Variants in NCOA4 observed in about 807,000 individuals in gnomAD.
The protein encoded by NCOA4 is nuclear receptor coactivator 4, also known as 70 kDa AR-activator.
NCOA4 carries 31 observed loss-of-function variants against 69.5 expected under a neutral mutation model. The observed-to-expected ratio is 0.45, with a 90% confidence interval of 0.34 to 0.60. The LOEUF is 0.60. NCOA4 is among the 20% of genes least tolerant of loss of function. The pLI, the probability that NCOA4 is intolerant of heterozygous loss-of-function variation, is 0.02. For missense variants in NCOA4, 600 were observed against 719.2 expected (o/e 0.83, Z 1.90); for synonymous variants, 228 against 252.4 (o/e 0.90, Z 0.92).
intron 1 of NCOA4, among the ~76,000 whole-genome samples, chr10:46,020,086 A>C (rs55722537): frequency 6.6e-6 from 1 of 152,214 alleles, no homozygotes; most frequent in Non-Finnish European, 1.5e-5. Flanking sequence ...ACCATGGGTG[A>C]ATTCAAATCA....
rs1839448217 is a variant in NCOA4, at chr10:46,014,912, G to A, written c.313C>T (p.Gln105Ter). 1.2e-6 allele frequency: 2 copies of A among 1,613,938 alleles called. No homozygotes were observed. The highest frequency in any genetic ancestry group is 1.7e-6 in the Non-Finnish European group (2 of 1,179,966). Residue 105 changes from glutamine to a stop codon, truncating the protein, a stop_gained, in exon 4 of 10, where the codon CAA (glutamine) becomes TAA (stop). Transcript: ENST00000581486. LOFTEE classifies it high-confidence loss of function. ...LLGQFNCLTH[Q>*]LECTQNKDLA... The stretch of plus-strand genomic sequence containing the variant: ...TCTTTGTTTTGGGTACACTCCAGTT[G>A]ATGAGTAAGACAATTGAACTGGCCC...
chr10:46,023,202 C>T, intron 1 of NCOA4: 1 of 905,020 alleles, frequency 1.1e-6, no homozygotes, highest in Non-Finnish European at 1.3e-6. Flanking sequence ...CCCTTGCCCT[C>T]GCCCCGGTCG....
At chr10:46,012,837 A>T in intron 7 of NCOA4, 46 bp downstream of exon 7, 3 of 1,602,666 alleles carry the variant, frequency 1.9e-6, no homozygotes, top group South Asian at 2.2e-5. Context: ...AACTAACTCC[A>T]CCTACTGCTG....
intron 1 of NCOA4, among the ~76,000 whole-genome samples, chr10:46,026,641 T>G (rs1192633783): frequency 6.6e-6 from 1 of 152,148 alleles, no homozygotes; most frequent in Non-Finnish European, 1.5e-5. Flanking sequence ...ATATTTTCCC[T>G]CCTTTAAAGC....
intron 1 of NCOA4, chr10:46,022,669 G>C (rs1554924717): frequency 3.2e-6 from 1 of 311,728 alleles, no homozygotes; most frequent in African/African-American, 2.2e-5. Flanking sequence ...GTTTCACCGT[G>C]TTAGCCAGGA....
intron 1 of NCOA4, among the ~76,000 whole-genome samples, chr10:46,024,206 A>T: frequency 6.6e-6 from 1 of 152,164 alleles, no homozygotes; most frequent in East Asian, 1.9e-4. Flanking sequence ...TGGATAATAC[A>T]TTTCGTAAAG....
chr10:46,014,136 C>T (rs1448744710), intron 5 of NCOA4, among the ~76,000 whole-genome samples: 2 of 152,102 alleles, frequency 1.3e-5, no homozygotes, highest in Non-Finnish European at 2.9e-5. Context: ...AAGCGATCCT[C>T]CTGCCTCAGC....
intron 2 of NCOA4, among the ~76,000 whole-genome samples, chr10:46,016,332 AG>A (rs782126277): frequency 2.0e-5 from 3 of 152,332 alleles, no homozygotes; most frequent in Admixed American, 6.5e-5. Context: ...AGAATGGCAC[AG>A]GGTTTTCCAG....
chr10:46,028,189 A>T (rs1364553332), intron 1 of NCOA4, among the ~76,000 whole-genome samples: 1 of 152,086 alleles, frequency 6.6e-6, no homozygotes, highest in East Asian at 1.9e-4. Flanking sequence ...GTCTGCTCAG[A>T]GGTCATCTTC....
In NCOA4 at chr10:46,011,277, T is replaced by C. The variant is rs1839187764; in HGVS notation, c.715-71A>G. The C allele has an allele frequency of 2.0e-6, 3 of 1,472,314 alleles. No homozygotes were observed. In the Admixed American group the frequency reaches 6.8e-5, roughly 33 times the overall value. 91.2% of individuals were successfully genotyped at this position (1,472,314 alleles called of 1,614,324 possible). On this transcript the variant is annotated intron_variant, in intron 7 of 9. Transcript: ENST00000581486. ...TGCTTTGGAGATTCTGTCTGCACTT[T>C]TTCTTTTTTTGAGACAGTCTCACTC...
At position 46,014,443 on chromosome 10, in the gene NCOA4, C is replaced by A; in HGVS notation, c.480+1G>T. On this transcript the variant is annotated splice_donor_variant, in intron 5 of 9. Coordinates refer to ENST00000581486, the MANE Select transcript of NCOA4 (RefSeq NM_001145263.2). LOFTEE classifies it high-confidence loss of function. ...CCAGTGAAGCATATGAGATTACTCACAATGGTTTTGAGAGACCCAAATGTG... is the reference window on the plus strand; with the variant it reads ...CCAGTGAAGCATATGAGATTACTCAAAATGGTTTTGAGAGACCCAAATGTG... 6.3e-7 allele frequency: 1 copy of A among 1,597,838 alleles called. No homozygotes were observed.
At chr10:46,007,266 T>C in intron 9 of NCOA4, among the ~76,000 whole-genome samples, 1 of 152,294 alleles carries the variant, frequency 6.6e-6, no homozygotes, top group African/African-American at 2.4e-5. Flanking sequence ...AAGGCCCTAA[T>C]TCTCTTCAAT....
In NCOA4 at chr10:46,014,437, T is replaced by C. The variant is rs1839414331; in HGVS notation, c.480+7A>G. 1 of 1,583,690 alleles carries C rather than the reference T, an allele frequency of 6.3e-7. No homozygotes were observed. The highest frequency in any genetic ancestry group is 1.1e-5 in the South Asian group (1 of 89,912). Reference sequence around the variant, plus strand: ...AAGTGCCCAGTGAAGCATATGAGATTACTCACAATGGTTTTGAGAGACCCA... The same window carrying C: ...AAGTGCCCAGTGAAGCATATGAGATCACTCACAATGGTTTTGAGAGACCCA... On this transcript the variant is annotated splice_region_variant and intron_variant, in intron 5 of 9. Transcript: ENST00000581486.
intron 7 of NCOA4, among the ~76,000 whole-genome samples, chr10:46,011,434 A>T (rs1839198235): frequency 6.9e-6 from 1 of 145,398 alleles, no homozygotes; most frequent in Non-Finnish European, 1.5e-5. Context: ...CGCCCAGCTA[A>T]TTTTTTTTTT....
chr10:46,010,883 G>A lies in NCOA4; in HGVS notation c.1038C>T (p.Ser346=), dbSNP rs375586863. ...NVNDWLVKTD[S]CTNCQGNQPK... Reference sequence around the variant, plus strand: ...GCTGGTTTCCCTGACAGTTGGTACAGGAGTCAGTCTTGACAAGCCAATCAT... The same window carrying A: ...GCTGGTTTCCCTGACAGTTGGTACAAGAGTCAGTCTTGACAAGCCAATCAT... Residue 346 remains serine (S), a synonymous_variant, in exon 8 of 10, where the codon TCC becomes TCT. Coordinates refer to ENST00000581486, the MANE Select transcript of NCOA4 (RefSeq NM_001145263.2). The A allele has an allele frequency of 2.7e-5, 44 of 1,613,982 alleles. 2 individuals carry two copies. The South Asian group carries it at 4.5e-4, about 17-fold the overall frequency.
intron 1 of NCOA4, among the ~76,000 whole-genome samples, chr10:46,018,653 T>C (rs1355433131): frequency 2.0e-5 from 3 of 152,222 alleles, no homozygotes; most frequent in Non-Finnish European, 2.9e-5. Context: ...TTCTCAAGTA[T>C]GTGGAGACCT....
At chr10:46,028,072 C>G (rs1840255712) in intron 1 of NCOA4, among the ~76,000 whole-genome samples, 1 of 152,214 alleles carries the variant, frequency 6.6e-6, no homozygotes, top group African/African-American at 2.4e-5. Context: ...TCTACCCTTA[C>G]TCTTCTCCTC....
chr10:46,027,495 G>A, intron 1 of NCOA4: 1 of 1,550,314 alleles, frequency 6.5e-7, no homozygotes, highest in South Asian at 1.2e-5. Context: ...TTGTTCATGT[G>A]CGTTCTATGT....
Position 46,012,730 on chromosome 10 carries a change from T to C in NCOA4, c.714+153A>G, listed in dbSNP as rs1839308240. ...AAATTTTCTATGATAAAGAGTTCCT[T>C]ATTTTCTAAACTTTCTATGATGAAG... is the stretch of plus-strand genomic sequence containing the variant. On this transcript the variant is annotated intron_variant, in intron 7 of 9. Transcript: ENST00000581486. 2.0e-5 allele frequency among the ~76,000 whole-genome samples: 3 copies of C among 152,190 alleles called. 1 individual carries two copies. In the South Asian group the frequency reaches 6.2e-4, roughly 31 times the overall value.
Sources: allele counts gnomAD v4.1 joint callset (sites outside exome capture counted in the v4.1 genomes callset), GRCh38; gene constraint gnomAD v4.1.1; transcripts MANE v1.5; gene names NCBI Gene and HGNC (gene_info 2026-07-23, HGNC 2026-07-21).